ADAMTS19: variants seen among roughly 807,000 people sequenced by gnomAD.
ADAMTS19 encodes the protein ADAM metallopeptidase with thrombospondin type 1 motif 19.
A neutral mutation model predicts 153.3 loss-of-function variants in ADAMTS19; 93 were observed. The observed-to-expected ratio is 0.61, with a 90% CI of 0.51 to 0.72. The LOEUF (loss-of-function observed/expected upper bound fraction) is 0.72. Ranked by LOEUF, ADAMTS19 falls within the 30% of genes least tolerant of loss-of-function variation. The pLI is 0.00. For missense variants in ADAMTS19, 1,482 were observed against 1,552.1 expected (o/e 0.95, Z 0.76); for synonymous variants, 600 against 556.6 (o/e 1.08, Z -1.10).
intron 21 of ADAMTS19, among the ~76,000 whole-genome samples, chr5:129,705,933 A>C (rs1756130856): frequency 6.6e-6 from 1 of 152,218 alleles, no homozygotes; most frequent in South Asian, 2.1e-4. Context: ...CAGTGTTTTC[A>C]AGCTATATGT....
chr5:129,665,629 C>A, intron 16 of ADAMTS19, 50 bp downstream of exon 16: 1 of 1,415,080 alleles, frequency 7.1e-7, no homozygotes, highest in African/African-American at 1.4e-5. Context: ...GCCCAACTCC[C>A]TGCCCTGAGA....
intron 20 of ADAMTS19, among the ~76,000 whole-genome samples, chr5:129,703,354 C>A (rs1418330608): frequency 6.6e-6 from 1 of 151,928 alleles, no homozygotes; most frequent in Admixed American, 6.6e-5. Flanking sequence ...ATTTATTAAA[C>A]TAAAGAATTT....
intron 7 of ADAMTS19, among the ~76,000 whole-genome samples, chr5:129,571,175 G>GA (rs1753892283): frequency 6.6e-6 from 1 of 151,724 alleles, no homozygotes; most frequent in Non-Finnish European, 1.5e-5. Context: ...AGGCATGTAT[G>GA]AAAAAACTCC....
chr5:129,486,905 C>T (rs1373604249), intron 2 of ADAMTS19, among the ~76,000 whole-genome samples: 1 of 152,128 alleles, frequency 6.6e-6, no homozygotes, highest in Non-Finnish European at 1.5e-5. Context: ...ACAAGTTTAG[C>T]AAGGTCACAG....
chr5:129,461,632 G>GGCCCCC lies in ADAMTS19; in HGVS notation c.627_628insCGCCCC (p.Pro209_Thr210insArgPro), dbSNP rs1749671495. 1.3e-6 allele frequency: 2 copies of GGCCCCC among 1,593,628 alleles called. No individual in the cohort carries two copies. The highest frequency in any genetic ancestry group is 2.3e-5 in the East Asian group (1 of 43,650). The stretch of plus-strand genomic sequence containing the variant: ...GGAACAGCGGCCAAATCCCGGCCCC[G>GGCCCCC]GCCCCACGGGGGCAGCATCCGCCCC... On this transcript the variant is annotated inframe_insertion, in exon 2 of 23. Transcript: ENST00000274487. This position sits in a 1 kb window ranked among gnomAD's most constrained non-coding sequence, Gnocchi z 4.6.
intron 6 of ADAMTS19, among the ~76,000 whole-genome samples, chr5:129,535,001 C>A (rs952223131): frequency 9.2e-5 from 14 of 152,112 alleles, no homozygotes; most frequent in Non-Finnish European, 1.5e-4. Flanking sequence ...TGAAAACTGG[C>A]ACAAGACAGG....
In ADAMTS19 at chr5:129,612,634, A is replaced by C. The variant is rs368790938; in HGVS notation, c.1479-7984A>C. 2.0e-5 allele frequency among the ~76,000 whole-genome samples: 3 copies of C among 152,054 alleles called. No individual in the cohort carries two copies. The East Asian group carries it at 5.8e-4, about 29-fold the overall frequency. On this transcript the variant is annotated intron_variant, in intron 8 of 22. Coordinates refer to ENST00000274487, the MANE Select transcript of ADAMTS19 (RefSeq NM_133638.6). ...GCTAGGAAGAAACTGCATCAACTAAAGAGCAAAATAACCAGCTAACATCAT... is the reference window on the plus strand; with the variant it reads ...GCTAGGAAGAAACTGCATCAACTAACGAGCAAAATAACCAGCTAACATCAT...
Position 129,737,560 on chromosome 5 carries a change from T to C in ADAMTS19, c.*342T>C, listed in dbSNP as rs1040373725. 8 of 158,348 alleles carry C rather than the reference T, an allele frequency of 5.1e-5. No individual in the cohort carries two copies. Among genetic ancestry groups the C allele is most frequent in the Non-Finnish European group, 9.7e-5 (7 of 71,862 alleles). The allele number at this position is 158,348 out of a possible 1,614,324, so 9.8% of individuals were successfully genotyped here. A position where few individuals can be genotyped will look rare whatever the true frequency, so the allele number is the denominator to read the frequency against. On this transcript the variant is annotated 3_prime_UTR_variant, in exon 23 of 23. Transcript: ENST00000274487. ...TGCTACTCTCTCCCCACCAATAACATTGAATTATCCAGAATGTATACTGAC... is the reference window on the plus strand; with the variant it reads ...TGCTACTCTCTCCCCACCAATAACACTGAATTATCCAGAATGTATACTGAC...
intron 22 of ADAMTS19, among the ~76,000 whole-genome samples, chr5:129,735,794 C>T (rs2127229640): frequency 6.6e-6 from 1 of 152,102 alleles, no homozygotes; most frequent in Non-Finnish European, 1.5e-5. Context: ...ATAACAAATA[C>T]TAATGAATGA....
At chr5:129,626,228 C>A (rs1221270234) in intron 10 of ADAMTS19, among the ~76,000 whole-genome samples, 2 of 152,098 alleles carry the variant, frequency 1.3e-5, no homozygotes, top group African/African-American at 4.8e-5. Flanking sequence ...GGAACTCAAA[C>A]TTCTTTATAT....
At chr5:129,512,477 A>G (rs548884216) in intron 3 of ADAMTS19, among the ~76,000 whole-genome samples, 3 of 152,130 alleles carry the variant, frequency 2.0e-5, no homozygotes, top group East Asian at 1.9e-4. Context: ...TGAGCTCTGC[A>G]TAATTGTACA....
intron 2 of ADAMTS19, among the ~76,000 whole-genome samples, 177 bp from the exon 3 acceptor site, chr5:129,508,899 AT>A (rs1751347369): frequency 6.6e-6 from 1 of 152,070 alleles, no homozygotes; most frequent in African/African-American, 2.4e-5. Flanking sequence ...AATAAAGTAC[AT>A]AAAGATGAAG....
chr5:129,702,934 AAAAAAAAAT>A lies in ADAMTS19; in HGVS notation c.3160-1303_3160-1295del, dbSNP rs1451962487. Reference sequence around the variant, plus strand: ...TCAGGCATAGTTTGACTTGCCAAAAAAAAAAAAATATATATATATATATATATATATATA... The same window carrying A: ...TCAGGCATAGTTTGACTTGCCAAAAAATATATATATATATATATATATATA... On this transcript the variant is annotated intron_variant, in intron 20 of 22. Coordinates refer to ENST00000274487, the MANE Select transcript of ADAMTS19 (RefSeq NM_133638.6). 1.2e-3 allele frequency among the ~76,000 whole-genome samples: 142 copies of A among 122,918 alleles called. 1 individual carries two copies. In the South Asian group the frequency reaches 0.016, roughly 14 times the overall value. The allele number at this position is 122,918 out of a possible 152,430, so 80.6% of individuals were successfully genotyped here.
At chr5:129,484,205 A>T (rs567449156) in intron 2 of ADAMTS19, among the ~76,000 whole-genome samples, 111 of 152,310 alleles carry the variant, frequency 7.3e-4, no homozygotes, top group African/African-American at 2.5e-3. Context: ...TCGAATTATA[A>T]AACTATTAGA....
intron 21 of ADAMTS19, among the ~76,000 whole-genome samples, chr5:129,720,175 T>TATATATATATATATATATA (rs1184615168): frequency 8.6e-6 from 1 of 116,544 alleles, no homozygotes; most frequent in African/African-American, 5.3e-5. Flanking sequence ...TATATATTTA[T>TATATATATATATATATATA]TTTTTTTTTT....
In ADAMTS19 at chr5:129,701,527, G is replaced by A. The variant is rs746700188; in HGVS notation, c.3094G>A (p.Ala1032Thr). ...GAGGGACTGCATTGGGCCCAAGCCC[G>A]CCTCTGCCCAGCGCTGTGAGGGCCA... is the stretch of plus-strand genomic sequence containing the variant. Reference protein sequence around the residue: ...RERDCIGPKPASAQRCEGQDC... With the variant: ...RERDCIGPKPTSAQRCEGQDC... The change falls in exon 20 of 23, where the codon GCC (alanine) becomes ACC (threonine). Residue 1032 changes from alanine (A) to threonine (T), a missense_variant. Physicochemically the swap from Ala to Thr is moderately conservative, Grantham distance 58. This residue lies in a region of ADAMTS19 where 616 missense variants were observed against 724.4 expected (regional missense o/e 0.85). Coordinates refer to ENST00000274487, the MANE Select transcript of ADAMTS19 (RefSeq NM_133638.6). The A allele has an allele frequency of 1.5e-5, 24 of 1,614,062 alleles. No homozygotes were observed. The highest frequency in any genetic ancestry group is 1.3e-4 in the South Asian group (12 of 91,088).
chr5:129,688,021 C>G (rs1301588536), intron 18 of ADAMTS19: 1 of 152,110 alleles, frequency 6.6e-6, no homozygotes, highest in Non-Finnish European at 1.5e-5. Context: ...TCGATTATCT[C>G]TATGTTAATG....
At position 129,634,076 on chromosome 5, in the gene ADAMTS19, C is replaced by A. The variant is rs1752426717; in HGVS notation, c.1771-7783C>A. 3.9e-5 allele frequency among the ~76,000 whole-genome samples: 6 copies of A among 152,092 alleles called. No homozygotes were observed. In the South Asian group the frequency reaches 1.0e-3, roughly 26 times the overall value. On this transcript the variant is annotated intron_variant, in intron 10 of 22. Coordinates refer to ENST00000274487, the MANE Select transcript of ADAMTS19 (RefSeq NM_133638.6). The stretch of plus-strand genomic sequence containing the variant: ...CCAGTTGGAACCTAATGTCAGGACA[C>A]AATAGTGGGCATCTATCAGGTTAAA...
At chr5:129,634,428 C>G (rs1462238847) in intron 10 of ADAMTS19, among the ~76,000 whole-genome samples, 1 of 152,032 alleles carries the variant, frequency 6.6e-6, no homozygotes, top group Non-Finnish European at 1.5e-5. Flanking sequence ...AATTAGAAAA[C>G]CTATTTTAAA....
Sources: allele counts gnomAD v4.1 joint callset (sites outside exome capture counted in the v4.1 genomes callset), GRCh38; gene constraint gnomAD v4.1.1; regional missense constraint gnomAD v4.1.1; non-coding constraint Gnocchi (gnomAD v3.1); transcripts MANE v1.5; gene names NCBI Gene and HGNC (gene_info 2026-07-23, HGNC 2026-07-21).